OR1L8: variants seen among roughly 807,000 people sequenced by gnomAD.
The protein encoded by OR1L8 is olfactory receptor 1L8.
For missense variants in OR1L8, 330 were observed against 377.4 expected (o/e 0.87, Z 1.04); for synonymous variants, 148 against 147.0 (o/e 1.01, Z -0.05).
chr9:122,548,675 T>C, the OR1L8 span, among the ~76,000 whole-genome samples: 8 of 152,040 alleles, frequency 5.3e-5, no homozygotes, highest in African/African-American at 1.9e-4. Flanking sequence ...GCATGTCCCA[T>C]GTTGGTGTGC....
intron 3 of OR1L8, 87 bp downstream of exon 3, chr9:122,576,679 G>C (rs1829663300): frequency 6.6e-6 from 1 of 152,174 alleles, no homozygotes; most frequent in Non-Finnish European, 1.5e-5. Context: ...GCCTTTCTAT[G>C]ACTGGTTCCC....
chr9:122,556,599 A>G, the OR1L8 span, among the ~76,000 whole-genome samples: 2 of 152,144 alleles, frequency 1.3e-5, no homozygotes, highest in Non-Finnish European at 2.9e-5. Flanking sequence ...ACAGGTTGAA[A>G]GGTGCAGCAA....
At chr9:122,582,494 T>C (rs1184887947) in intron 1 of OR1L8, among the ~76,000 whole-genome samples, 1 of 152,006 alleles carries the variant, frequency 6.6e-6, no homozygotes, top group Non-Finnish European at 1.5e-5. Context: ...GGCAAGAGGA[T>C]CACTTGAGTT....
the OR1L8 span, among the ~76,000 whole-genome samples, chr9:122,555,413 A>G: frequency 6.6e-6 from 1 of 152,198 alleles, no homozygotes; most frequent in African/African-American, 2.4e-5. Flanking sequence ...TTAGCCTTGA[A>G]TTAGGTGACT....
At chr9:122,578,707 A>G (rs529860750) in intron 1 of OR1L8, among the ~76,000 whole-genome samples, 265 of 152,274 alleles carry the variant, frequency 1.7e-3, no homozygotes, top group African/African-American at 5.9e-3. Context: ...TAACTCAGGA[A>G]TGGAAAACCA....
At chr9:122,565,218 T>C (rs1381047161), downstream of OR1L8, among the ~76,000 whole-genome samples, 2 of 152,238 alleles carry the variant, frequency 1.3e-5, no homozygotes, top group African/African-American at 2.4e-5. Context: ...AGCAACATGA[T>C]TGGAAAATTG....
At chr9:122,563,482 A>C (rs1333233735), downstream of OR1L8, among the ~76,000 whole-genome samples, 2 of 152,124 alleles carry the variant, frequency 1.3e-5, no homozygotes, top group Non-Finnish European at 2.9e-5. Context: ...TTATCGAGAC[A>C]TTTGAGTTTC....
chr9:122,570,332 C>G (rs1829521839), intron 4 of OR1L8, among the ~76,000 whole-genome samples: 1 of 152,198 alleles, frequency 6.6e-6, no homozygotes, highest in African/African-American at 2.4e-5. Flanking sequence ...CACATCCTCT[C>G]CAGCATCTGT....
chr9:122,579,021 CAAAAACCTACTGAAATTAA>C (rs1042118699), intron 1 of OR1L8, among the ~76,000 whole-genome samples: 6 of 150,624 alleles, frequency 4.0e-5, no homozygotes, highest in African/African-American at 1.5e-4. Flanking sequence ...ACCTGTTCCC[CAAAAACCTACTGAAATTAA>C]AAAAAAATAG....
intron 4 of OR1L8, 66 bp from the exon 5 acceptor site, chr9:122,568,755 C>A: frequency 3.1e-6 from 1 of 324,688 alleles, no homozygotes; most frequent in Non-Finnish European, 5.6e-6. Context: ...AATTCAGACT[C>A]AGTATTTCCT....
At chr9:122,548,860 G>C in the OR1L8 span, among the ~76,000 whole-genome samples, 1 of 150,552 alleles carries the variant, frequency 6.6e-6, no homozygotes, top group African/African-American at 2.4e-5. Context: ...TGTAGATTCT[G>C]AACATTAGTC....
At chr9:122,565,387 G>A (rs1221698984), downstream of OR1L8, among the ~76,000 whole-genome samples, 1 of 152,216 alleles carries the variant, frequency 6.6e-6, no homozygotes, top group Non-Finnish European at 1.5e-5. Context: ...GGATACCAGT[G>A]AGTCTCTTTC....
the OR1L8 span, among the ~76,000 whole-genome samples, chr9:122,555,762 A>G: frequency 6.6e-6 from 1 of 152,150 alleles, no homozygotes. Context: ...TGGTTTATAG[A>G]AAAATTGAGC....
chr9:122,548,131 G>C, the OR1L8 span, among the ~76,000 whole-genome samples: 1 of 152,106 alleles, frequency 6.6e-6, no homozygotes, highest in Admixed American at 6.6e-5. Flanking sequence ...TTTAATACAA[G>C]TTTTACATGA....
chr9:122,577,628 A>G (rs1829680533), intron 2 of OR1L8, among the ~76,000 whole-genome samples: 1 of 152,224 alleles, frequency 6.6e-6, no homozygotes, highest in Non-Finnish European at 1.5e-5. Flanking sequence ...CATATTATCT[A>G]TCAAAGATTG....
the OR1L8 span, among the ~76,000 whole-genome samples, chr9:122,556,857 T>G: frequency 1.3e-5 from 2 of 152,168 alleles, no homozygotes; most frequent in African/African-American, 4.8e-5. Flanking sequence ...GACACCATGA[T>G]AACATTGAGT....
chr9:122,561,473 G>A, the OR1L8 span, among the ~76,000 whole-genome samples: 6 of 152,176 alleles, frequency 3.9e-5, no homozygotes, highest in Admixed American at 3.9e-4. Flanking sequence ...ATCTTCATGA[G>A]TTTGTCTAGT....
chr9:122,567,442 G>T lies in OR1L8; in HGVS notation c.*106C>A. ...CCCACAATAGCCTTGTCTCACATGG[G>T]TCAGAAGTGCTAGCTTCCAACAGCT... On this transcript the variant is annotated 3_prime_UTR_variant, in exon 5 of 5. Coordinates refer to ENST00000641027, the MANE Select transcript of OR1L8 (RefSeq NM_001004454.2). 2 of 813,994 alleles carry T rather than the reference G, an allele frequency of 2.5e-6. No homozygotes were observed. Among genetic ancestry groups the T allele is most frequent in the Non-Finnish European group, 3.9e-6 (2 of 509,974 alleles). The allele number at this position is 813,994 out of a possible 1,614,324, so 50.4% of individuals were successfully genotyped here.
At chr9:122,578,014 A>AAAAC (rs1199833245) in intron 2 of OR1L8, among the ~76,000 whole-genome samples, 15 of 152,220 alleles carry the variant, frequency 9.9e-5, no homozygotes, top group African/African-American at 3.6e-4. Context: ...GGTGAAAAGG[A>AAAAC]AAACACTTTT....
Sources: gnomAD v4.1 joint callset for allele counts (sites outside exome capture counted in the v4.1 genomes callset) on GRCh38, gnomAD v4.1.1 for gene constraint, MANE v1.5 for transcripts, NCBI Gene and HGNC (gene_info 2026-07-23, HGNC 2026-07-21) for gene names.